Variants in BIVM observed in about 807,000 individuals in gnomAD.
BIVM encodes basic, immunoglobulin-like variable motif containing, also known as basic immunoglobulin-like variable motif-containing protein.
Under a neutral mutation model 61.4 loss-of-function variants are expected in BIVM, and 31 were observed. The observed-to-expected ratio is 0.51, with a 90% CI of 0.38 to 0.68. The LOEUF (loss-of-function observed/expected upper bound fraction) is 0.68. Ranked by LOEUF, BIVM falls within the 30% of genes least tolerant of loss-of-function variation. BIVM has a pLI of 0.00. For synonymous variants in BIVM, 189 were observed against 210.7 expected (o/e 0.90, Z 0.89); for missense variants, 526 against 596.0 (o/e 0.88, Z 1.22).
rs1352237722 is a variant in BIVM at position 102,816,480 on chromosome 13, A to T, written c.531A>T (p.Arg177Ser). The T allele has an allele frequency of 1.3e-6, 2 of 1,594,600 alleles. No individual in the cohort carries two copies. Among genetic ancestry groups the T allele is most frequent in the South Asian group, 1.1e-5 (1 of 87,372 alleles). ...GAAAAACTTCAGATAAAAAGGGAAG[A>T]TATCAGAAGGAATGTCCTCAGCATT... ...SKRKTSDKKG[R>S]YQKECPQHSP... Residue 177 changes from arginine (R) to serine (S), a missense_variant, in exon 4 of 11, where the codon AGA becomes AGT. Arg to Ser is a moderately radical substitution (Grantham distance 110). Transcript: ENST00000257336.
rs1566444663 is a variant in BIVM, at chr13:102,807,392, G to A, written c.125G>A (p.Gly42Glu). Residue 42 changes from glycine to glutamate, a missense_variant, in exon 3 of 11, where the codon GGA (glycine) becomes GAA (glutamate). By Grantham distance (98) the Gly-to-Glu change is moderately conservative. This residue lies in a region of BIVM where 312 missense variants were observed against 343.8 expected (regional missense o/e 0.91). Coordinates refer to ENST00000257336, the MANE Select transcript of BIVM (RefSeq NM_017693.4). This position sits in a 1 kb window ranked among gnomAD's most constrained non-coding sequence, Gnocchi z 4.0. ...AAATCTTTCTGCACAAGTGCCTCAG[G>A]AGCACCCTTGGGTCCCAAAGGAGAT... Reference protein sequence around the residue: ...AVKSFCTSASGAPLGPKGDGH... With the variant: ...AVKSFCTSASEAPLGPKGDGH... 1 of 1,614,152 alleles carries A rather than the reference G, an allele frequency of 6.2e-7. No individual in the cohort carries two copies. Among genetic ancestry groups the A allele is most frequent in the Non-Finnish European group, 8.5e-7 (1 of 1,180,040 alleles).
At chr13:102,813,548 C>T (rs1261987230) in intron 3 of BIVM, among the ~76,000 whole-genome samples, 1 of 152,162 alleles carries the variant, frequency 6.6e-6, no homozygotes, top group Non-Finnish European at 1.5e-5. Context: ...TTCTTATCTG[C>T]AAATTTCAAA....
chr13:102,822,650 A>G (rs989733074), intron 7 of BIVM, among the ~76,000 whole-genome samples: 1 of 152,260 alleles, frequency 6.6e-6, no homozygotes, highest in Non-Finnish European at 1.5e-5. Context: ...AGTCTTGTTT[A>G]TAACAGAAAT....
At chr13:102,803,471 C>G (rs980456635) in intron 1 of BIVM, among the ~76,000 whole-genome samples, 1 of 152,084 alleles carries the variant, frequency 6.6e-6, no homozygotes, top group African/African-American at 2.4e-5. Context: ...CCATTGCACT[C>G]CAGCCTGGGC....
intron 10 of BIVM, 134 bp downstream of exon 10, chr13:102,838,873 C>G (rs7337774): frequency 0.98 from 784,642 of 802,328 alleles, 385,345 homozygotes; most frequent in Non-Finnish European, 1. Context: ...TAAGGACACA[C>G]GGCTGTCTTT....
Position 102,804,612 on chromosome 13 carries a change from T to G in BIVM, c.-206-695T>G, listed in dbSNP as rs139846643. Among the ~76,000 whole-genome samples, 683 of 151,310 alleles carry G rather than the reference T, an allele frequency of 4.5e-3. 5 individuals are homozygous for G. Among genetic ancestry groups the G allele is most frequent in the African/African-American group, 0.016 (639 of 41,206 alleles). On this transcript the variant is annotated intron_variant, in intron 1 of 10. Transcript: ENST00000257336. ...AGGTGTGAGCCACTGCACCCGGCCC[T>G]TACTGTCTGGCTAATTTTTAAATTT...
Position 102,840,999 on chromosome 13 carries a change from C to T in BIVM, c.*1134C>T, listed in dbSNP as rs760721035. On this transcript the variant is annotated 3_prime_UTR_variant, in exon 11 of 11. Transcript: ENST00000257336. ...AGATGCATAAGAAATGCCCAAGTCACTCAGAGGACAACTACCCATATTCCA... is the reference window on the plus strand; with the variant it reads ...AGATGCATAAGAAATGCCCAAGTCATTCAGAGGACAACTACCCATATTCCA... 6.6e-6 allele frequency: 1 copy of T among 152,618 alleles called. No individual in the cohort carries two copies. Among genetic ancestry groups the T allele is most frequent in the Non-Finnish European group, 1.5e-5 (1 of 68,032 alleles). 9.5% of individuals were successfully genotyped at this position (152,618 alleles called of 1,614,324 possible). A position where few individuals can be genotyped will look rare whatever the true frequency, so the allele number is the denominator to read the frequency against.
In BIVM at chr13:102,814,628, CTCTG is replaced by C. The variant is rs1402166272; in HGVS notation, c.479-1798_479-1795del. Among the ~76,000 whole-genome samples, 111 of 152,262 alleles carry C rather than the reference CTCTG, an allele frequency of 7.3e-4. No individual in the cohort carries two copies. The East Asian group carries it at 0.019, about 26-fold the overall frequency. The stretch of plus-strand genomic sequence containing the variant: ...AGAAACTAATTCTTCTGTTATCTGA[CTCTG>C]TAAGAGTCATTTTACCAGTCAAGGA... On this transcript the variant is annotated intron_variant, in intron 3 of 10. Transcript: ENST00000257336.
chr13:102,833,603 G>A (rs185640726), intron 8 of BIVM, among the ~76,000 whole-genome samples: 14 of 152,204 alleles, frequency 9.2e-5, no homozygotes, highest in Admixed American at 3.3e-4. Context: ...GATTATAGAC[G>A]TGAGCCACCA....
intron 2 of BIVM, among the ~76,000 whole-genome samples, chr13:102,806,411 G>A (rs1487855972): frequency 3.3e-5 from 5 of 151,960 alleles, no homozygotes; most frequent in Non-Finnish European, 1.5e-5. Context: ...CACCATGCCT[G>A]GCTAATTTTT....
intron 6 of BIVM, 24 bp downstream of exon 6, chr13:102,821,871 A>G (rs1880316200): frequency 6.2e-7 from 1 of 1,603,218 alleles, no homozygotes; most frequent in Non-Finnish European, 8.5e-7. Flanking sequence ...CTTAGAGGCA[A>G]TATCGTGTTT....
chr13:102,829,203 C>A (rs1413409905), intron 7 of BIVM, among the ~76,000 whole-genome samples: 2 of 152,116 alleles, frequency 1.3e-5, no homozygotes, highest in African/African-American at 4.8e-5. Context: ...AGGACAAGCT[C>A]ATACTAAGCA....
chr13:102,812,437 G>A (rs1282893243), intron 3 of BIVM, among the ~76,000 whole-genome samples: 2 of 152,050 alleles, frequency 1.3e-5, no homozygotes, highest in African/African-American at 2.4e-5. Context: ...TGTTGTTGTT[G>A]TTGTTGGAAA....
At chr13:102,827,962 T>G (rs1880792172) in intron 7 of BIVM, among the ~76,000 whole-genome samples, 1 of 152,232 alleles carries the variant, frequency 6.6e-6, no homozygotes, top group South Asian at 2.1e-4. Context: ...GTGGCGCTAT[T>G]TGTTTAAAAA....
intron 4 of BIVM, among the ~76,000 whole-genome samples, chr13:102,819,476 T>A (rs1441941842): frequency 6.6e-6 from 1 of 152,208 alleles, no homozygotes; most frequent in African/African-American, 2.4e-5. Flanking sequence ...AGTTATTAGC[T>A]TTTGTGTGTC....
intron 3 of BIVM, among the ~76,000 whole-genome samples, chr13:102,810,825 C>G (rs1371593911): frequency 6.6e-6 from 1 of 152,180 alleles, no homozygotes; most frequent in African/African-American, 2.4e-5. Context: ...TGACCTCAGG[C>G]TTAAGCAATC....
At chr13:102,811,712 G>A (rs549078684) in intron 3 of BIVM, among the ~76,000 whole-genome samples, 39 of 151,926 alleles carry the variant, frequency 2.6e-4, no homozygotes, top group Admixed American at 5.2e-4. Context: ...TAGTAGAGAC[G>A]GAGTTTCTCC....
chr13:102,799,920 G>C (rs936794715), intron 1 of BIVM, among the ~76,000 whole-genome samples: 22 of 152,160 alleles, frequency 1.4e-4, no homozygotes, highest in Non-Finnish European at 2.9e-4. Flanking sequence ...GCAGGGTCCG[G>C]GAACCAGCGC....
chr13:102,839,736 G>A lies in BIVM; in HGVS notation c.1383G>A (p.Gln461=). Residue 461 remains glutamine, a synonymous_variant, in exon 11 of 11, where the codon CAG becomes CAA. Transcript: ENST00000257336. The stretch of plus-strand genomic sequence containing the variant: ...GTGAAGACAATATTTCCAAGAAGCA[G>A]CATGGGCGTCTGGGCCGGTCTTTCA... ...SESEDNISKK[Q]HGRLGRSFSA... is the part of the protein sequence containing the mutation. The A allele has an allele frequency of 6.2e-7, 1 of 1,614,194 alleles. No homozygotes were observed. The highest frequency in any genetic ancestry group is 8.5e-7 in the Non-Finnish European group (1 of 1,180,030).
Sources: allele counts gnomAD v4.1 joint callset (sites outside exome capture counted in the v4.1 genomes callset), GRCh38; gene constraint gnomAD v4.1.1; regional missense constraint gnomAD v4.1.1; non-coding constraint Gnocchi (gnomAD v3.1); transcripts MANE v1.5; gene names NCBI Gene and HGNC (gene_info 2026-07-23, HGNC 2026-07-21).